Variants in CDH23 observed in about 807,000 individuals in gnomAD.
The protein encoded by CDH23 is cadherin-23.
A neutral mutation model predicts 317.1 loss-of-function variants in CDH23; 189 were observed. The ratio of observed to expected loss-of-function variants is 0.60; its 90% CI spans 0.53 to 0.67. The LOEUF is 0.67. Ranked by LOEUF, CDH23 falls within the 30% of genes least tolerant of loss-of-function variation. The pLI, the probability that CDH23 is intolerant of heterozygous loss-of-function variation, is 0.00. For synonymous variants in CDH23, 1,839 were observed against 1,876.8 expected, an observed-to-expected ratio of 0.98 and a Z score of 0.52; for missense variants, 4,401 against 4,592.4, an observed-to-expected ratio of 0.96 and a Z score of 1.20.
chr10:71,510,167 C>A lies in CDH23; in HGVS notation c.231C>A (p.Phe77Leu), dbSNP rs1400660846. ...FGVSGEEASRFFAVEPDTGVV... is the reference protein window; with the variant it reads ...FGVSGEEASRLFAVEPDTGVV... ...TGTCTGGGGAGGAGGCCTCTCGCTTCTTTGCAGTGGAGCCTGACACTGGCG... is the reference window on the plus strand; with the variant it reads ...TGTCTGGGGAGGAGGCCTCTCGCTTATTTGCAGTGGAGCCTGACACTGGCG... The change falls in exon 4 of 70, where the codon TTC (phenylalanine) becomes TTA (leucine). Residue 77 changes from phenylalanine (F) to leucine (L), a missense_variant. Around this residue, in one of 3 missense-constraint regions of CDH23, gnomAD observed 3,068 missense variants for 3,203.3 expected, o/e 0.96. Coordinates refer to ENST00000224721, the MANE Select transcript of CDH23 (RefSeq NM_022124.6). The A allele has an allele frequency of 3.1e-6, 5 of 1,614,028 alleles. No homozygotes were observed. In the East Asian group the frequency reaches 8.9e-5, roughly 29 times the overall value.
intron 3 of CDH23, among the ~76,000 whole-genome samples, chr10:71,495,115 C>T (rs1564615141): frequency 6.6e-6 from 1 of 152,192 alleles, no homozygotes; most frequent in Admixed American, 6.5e-5. Context: ...CTTTTAAAAA[C>T]ACAAACAGAG....
intron 38 of CDH23, chr10:71,755,448 A>G: frequency 1.2e-6 from 2 of 1,612,558 alleles, no homozygotes; most frequent in Non-Finnish European, 1.7e-6. Flanking sequence ...ACCCGTAGCC[A>G]GGGCTGCAGC....
chr10:71,754,779 C>G (rs1341383709), intron 38 of CDH23, among the ~76,000 whole-genome samples: 1 of 152,162 alleles, frequency 6.6e-6, no homozygotes, highest in Non-Finnish European at 1.5e-5. Flanking sequence ...ATATGGTGGA[C>G]TTCTATTCCC....
At chr10:71,431,060 C>A (rs1849346684) in intron 1 of CDH23, among the ~76,000 whole-genome samples, 1 of 152,214 alleles carries the variant, frequency 6.6e-6, no homozygotes, top group African/African-American at 2.4e-5. Flanking sequence ...GGAATGAGAC[C>A]TTGAGCGTTG....
At chr10:71,687,741 T>TG in intron 19 of CDH23, 22 bp downstream of exon 19, 2 of 1,597,050 alleles carry the variant, frequency 1.3e-6, no homozygotes, top group Non-Finnish European at 1.7e-6. Context: ...GGTCGGGGGG[T>TG]GGGGGGCACA....
intron 18 of CDH23, among the ~76,000 whole-genome samples, chr10:71,684,686 G>A (rs1864801904): frequency 6.6e-6 from 1 of 152,232 alleles, no homozygotes; most frequent in South Asian, 2.1e-4. Flanking sequence ...TGACAGCCAT[G>A]CATAGCAGCA....
intron 1 of CDH23, among the ~76,000 whole-genome samples, chr10:71,414,325 T>C (rs781440924): frequency 1.1e-4 from 17 of 152,212 alleles, no homozygotes; most frequent in Non-Finnish European, 2.1e-4. Context: ...GGCTTTTCCA[T>C]TTATGGCCAC....
At chr10:71,741,501 C>G (rs1314727223) in intron 37 of CDH23, among the ~76,000 whole-genome samples, 193 bp from the exon 38 acceptor site, 2 of 152,232 alleles carry the variant, frequency 1.3e-5, no homozygotes, top group Non-Finnish European at 2.9e-5. Context: ...TGAGTTAATG[C>G]AGGCCCCAGC....
chr10:71,693,277 C>CTTTTT (rs58326810), intron 20 of CDH23, among the ~76,000 whole-genome samples: 1 of 148,252 alleles, frequency 6.7e-6, no homozygotes. Context: ...TGGCAAATGC[C>CTTTTT]TTTTTTTTTT....
Position 71,730,574 on chromosome 10 carries a change from A to G in CDH23, c.3685A>G (p.Ile1229Val). 6.2e-7 allele frequency: 1 copy of G among 1,613,896 alleles called. No homozygotes were observed. Among genetic ancestry groups the G allele is most frequent in the South Asian group, 1.1e-5 (1 of 91,084 alleles). Reference sequence around the variant, plus strand: ...GACCGCAGGCATTGGAACGTCAGTCATCGTGGTCCAAGCCACAGACCGAGA... The same window carrying G: ...GACCGCAGGCATTGGAACGTCAGTCGTCGTGGTCCAAGCCACAGACCGAGA... ...RETAGIGTSV[I>V]VVQATDRDSG... Residue 1229 changes from isoleucine to valine, a missense_variant, in exon 31 of 70, where the codon ATC becomes GTC. Physicochemically the swap from Ile to Val is conservative, Grantham distance 29 (BLOSUM62 3). Coordinates refer to ENST00000224721, the MANE Select transcript of CDH23 (RefSeq NM_022124.6).
Position 71,478,265 on chromosome 10 carries a change from G to A in CDH23, c.146-31817G>A, listed in dbSNP as rs541044269. Among the ~76,000 whole-genome samples, 11 of 152,288 alleles carry A rather than the reference G, an allele frequency of 7.2e-5. No homozygotes were observed. The South Asian group carries it at 1.9e-3, about 26-fold the overall frequency. Reference sequence around the variant, plus strand: ...TGCCGAGTGCTCTCAGCTTCTCACCGTCATCTCTTACCACTGTATGGTTGA... The same window carrying A: ...TGCCGAGTGCTCTCAGCTTCTCACCATCATCTCTTACCACTGTATGGTTGA... On this transcript the variant is annotated intron_variant, in intron 3 of 69. Transcript: ENST00000224721.
At chr10:71,421,151 C>T (rs372851988) in intron 1 of CDH23, among the ~76,000 whole-genome samples, 1 of 152,250 alleles carries the variant, frequency 6.6e-6, no homozygotes, top group Non-Finnish European at 1.5e-5. Context: ...AAAGATGAAG[C>T]CTGTGATCCC....
intron 1 of CDH23, among the ~76,000 whole-genome samples, chr10:71,414,971 A>G (rs936693497): frequency 1.4e-4 from 22 of 152,322 alleles, no homozygotes; most frequent in African/African-American, 5.1e-4. Flanking sequence ...GTAATTCCAA[A>G]AGAATTGACA....
intron 22 of CDH23, among the ~76,000 whole-genome samples, chr10:71,699,806 G>A (rs986131726): frequency 2.0e-5 from 3 of 152,198 alleles, no homozygotes; most frequent in African/African-American, 4.8e-5. Flanking sequence ...CTGCAGGAGA[G>A]GTCACAGCCC....
At chr10:71,646,018 G>C in intron 13 of CDH23, 38 bp downstream of exon 13, 4 of 1,594,900 alleles carry the variant, frequency 2.5e-6, no homozygotes, top group Non-Finnish European at 3.4e-6. Context: ...AGTGGGGTGG[G>C]GGGTGGATTT....
At position 71,574,520 on chromosome 10, in the gene CDH23, C is replaced by T. The variant is rs553222785; in HGVS notation, c.754-3394C>T. Among the ~76,000 whole-genome samples the T allele has an allele frequency of 2.0e-5, 3 of 152,266 alleles. No individual in the cohort carries two copies. In the East Asian group the frequency reaches 5.8e-4, roughly 29 times the overall value. On this transcript the variant is annotated intron_variant, in intron 8 of 69. Coordinates refer to ENST00000224721, the MANE Select transcript of CDH23 (RefSeq NM_022124.6). ...TCTCATCGGAAGTCCCCTTCAGCCC[C>T]CACCAGCCTGCTCCCCCCAAGGACG...
chr10:71,675,318 C>T (rs191450396), intron 15 of CDH23, 142 bp downstream of exon 15: 1 of 678,594 alleles, frequency 1.5e-6, no homozygotes, highest in East Asian at 2.7e-5. Context: ...GAAGTTGGAA[C>T]CCATGGGCAC....
At chr10:71,603,520 T>C (rs1205293318) in intron 9 of CDH23, among the ~76,000 whole-genome samples, 1 of 152,154 alleles carries the variant, frequency 6.6e-6, no homozygotes, top group African/African-American at 2.4e-5. Context: ...CTCCCACTCT[T>C]AGCCCAAGGA....
At chr10:71,724,913 G>A (rs537302007) in intron 29 of CDH23, among the ~76,000 whole-genome samples, 46 of 152,358 alleles carry the variant, frequency 3.0e-4, no homozygotes, top group Admixed American at 1.2e-3. Context: ...AAAAGATGGG[G>A]GAATGAGTGC....
Sources: gnomAD v4.1 joint callset for allele counts (sites outside exome capture counted in the v4.1 genomes callset) on GRCh38, gnomAD v4.1.1 for gene constraint, gnomAD v4.1.1 regional missense constraint, MANE v1.5 for transcripts, NCBI Gene and HGNC (gene_info 2026-07-23, HGNC 2026-07-21) for gene names.